MXRA8: variants seen among roughly 807,000 people sequenced by gnomAD.
MXRA8 encodes the protein matrix remodeling-associated protein 8.
A neutral mutation model predicts 51.4 loss-of-function variants in MXRA8; 44 were observed. That is an observed-to-expected ratio of 0.86 (90% CI 0.67 to 1.10). The LOEUF (loss-of-function observed/expected upper bound fraction) is 1.10, where lower values mean the gene tolerates loss of function less well. Ranked by LOEUF, MXRA8 falls within the 50% of genes least tolerant of loss-of-function variation. The pLI is 0.00. For synonymous variants in MXRA8, 369 were observed against 293.5 expected (o/e 1.26, Z -2.63); for missense variants, 765 against 638.9 (o/e 1.20, Z -2.13).
At chr1:1,356,174 T>G (rs1282842168) in intron 2 of MXRA8, among the ~76,000 whole-genome samples, 92 of 25,224 alleles carry the variant, frequency 3.6e-3, no homozygotes, top group East Asian at 0.018. Context: ...CTAGGGCCCA[T>G]GTGGGGGAAG....
rs763466470 is a variant in MXRA8 at position 1,354,227 on chromosome 1, C to T, written c.1111G>A (p.Glu371Lys). ...TTTCCCGACTTCTGGTCCGAGTATTCGTAGCCTGGGAAGGAGACTCACATT... is the reference window on the plus strand; with the variant it reads ...TTTCCCGACTTCTGGTCCGAGTATTTGTAGCCTGGGAAGGAGACTCACATT... ...LAARRRRGGY[E>K]YSDQKSGKSK... Residue 371 changes from glutamate (E) to lysine (K), a missense_variant, in exon 7 of 10, where the codon GAA becomes AAA. Transcript: ENST00000309212. 1.2e-6 allele frequency: 2 copies of T among 1,612,380 alleles called. No homozygotes were observed. Among genetic ancestry groups the T allele is most frequent in the East Asian group, 2.2e-5 (1 of 44,880 alleles).
chr1:1,357,964 C>T (rs1173181455), intron 1 of MXRA8, among the ~76,000 whole-genome samples: 3 of 152,164 alleles, frequency 2.0e-5, no homozygotes, highest in Admixed American at 6.5e-5. Flanking sequence ...TATCCTGTGT[C>T]TCTAGATCAC....
upstream of MXRA8, chr1:1,361,237 C>T (rs1359261517): frequency 2.1e-5 from 15 of 703,426 alleles, no homozygotes; most frequent in African/African-American, 7.0e-5. Context: ...CACAGAGACA[C>T]GGACCTGTGG....
rs544512102 is a variant in MXRA8 at position 1,353,631 on chromosome 1, T to C, written c.1304-2A>G. ...ATTTGCAGTTCTCCTTCCGGAACCC[T>C]GGAAGCCAAGGGCGCCAACGGGTTG... On this transcript the variant is annotated splice_acceptor_variant, in intron 9 of 9. Coordinates refer to ENST00000309212, the MANE Select transcript of MXRA8 (RefSeq NM_032348.4). LOFTEE classifies it high-confidence loss of function. 9 of 1,564,264 alleles carry C rather than the reference T, an allele frequency of 5.8e-6. No homozygotes were observed. In the African/African-American group the frequency reaches 1.2e-4, roughly 21 times the overall value.
chr1:1,354,887 A>G lies in MXRA8; in HGVS notation c.744T>C (p.Asp248=). ...FLRDRVAVGA[D]AFERGDFSLR... ...GTGAGAAGTCACCGCGCTCAAAGGCATCCGCGCCCACAGCCACGCGGTCGC... is the reference window on the plus strand; with the variant it reads ...GTGAGAAGTCACCGCGCTCAAAGGCGTCCGCGCCCACAGCCACGCGGTCGC... The change falls in exon 5 of 10, where the codon GAT becomes GAC. Residue 248 remains aspartate (D), a synonymous_variant. Coordinates refer to ENST00000309212, the MANE Select transcript of MXRA8 (RefSeq NM_032348.4). The G allele has an allele frequency of 2.5e-6, 4 of 1,611,486 alleles. No individual in the cohort carries two copies. Among genetic ancestry groups the G allele is most frequent in the Non-Finnish European group, 3.4e-6 (4 of 1,179,440 alleles).
rs771377986 is a variant in MXRA8 at position 1,355,356 on chromosome 1, A to C, written c.377-11T>G. ...CCGTCTCCTCCACCGCTGCGCACCC[A>C]GGAGGAAGCCGCGCGTGAGCCTTGC... On this transcript the variant is annotated splice_polypyrimidine_tract_variant and intron_variant, in intron 3 of 9. Coordinates refer to ENST00000309212, the MANE Select transcript of MXRA8 (RefSeq NM_032348.4). 4.5e-6 allele frequency: 7 copies of C among 1,569,890 alleles called. No individual in the cohort carries two copies. The African/African-American group carries it at 9.9e-5, about 22-fold the overall frequency.
At position 1,353,142 on chromosome 1, in the gene MXRA8, C is replaced by T; in HGVS notation, c.*462G>A. 1 of 856,142 alleles carries T rather than the reference C, an allele frequency of 1.2e-6. No individual in the cohort carries two copies. The highest frequency in any genetic ancestry group is 1.5e-5 in the South Asian group (1 of 67,070). The allele number at this position is 856,142 out of a possible 1,614,324, so 53.0% of individuals were successfully genotyped here. A position where few individuals can be genotyped will look rare whatever the true frequency, so the allele number is the denominator to read the frequency against. ...GTGGGACTCCTGCCGAGGCTGACCC[C>T]AACTTCAAGGCTGCCAAGTTCTGAT... On this transcript the variant is annotated 3_prime_UTR_variant, in exon 10 of 10. Transcript: ENST00000309212.
rs142824999 is a variant in MXRA8 at position 1,352,918 on chromosome 1, G to A, written c.*686C>T. On this transcript the variant is annotated 3_prime_UTR_variant, in exon 10 of 10. Transcript: ENST00000309212. Reference sequence around the variant, plus strand: ...TCACAGGGAGCCCAGTGACTATCAAGGTGGCTGAGAGCAAGGCTAGGGTAG... The same window carrying A: ...TCACAGGGAGCCCAGTGACTATCAAAGTGGCTGAGAGCAAGGCTAGGGTAG... 4.6e-3 allele frequency: 1,571 copies of A among 344,180 alleles called. 19 individuals carry two copies. The highest frequency in any genetic ancestry group is 0.031 in the African/African-American group (1,413 of 45,442). The allele number at this position is 344,180 out of a possible 1,614,324, so 21.3% of individuals were successfully genotyped here.
upstream of MXRA8, among the ~76,000 whole-genome samples, chr1:1,360,564 C>A (rs1347523724): frequency 6.6e-6 from 1 of 152,128 alleles, no homozygotes; most frequent in Non-Finnish European, 1.5e-5. Flanking sequence ...GCATTTTTCT[C>A]CCTCTGGGAA....
intron 1 of MXRA8, 53 bp from the exon 2 acceptor site, chr1:1,356,757 G>A (rs1429394023): frequency 7.0e-6 from 7 of 998,784 alleles, no homozygotes; most frequent in African/African-American, 2.0e-5. Flanking sequence ...ACCCAGCCCC[G>A]AGACCCCCCA....
chr1:1,353,700 A>AC lies in MXRA8; in HGVS notation c.1304-72dup, dbSNP rs369865566. ...CATCACAGTGGGAGACACAGGGCAG[A>AC]CCCCCCCGCAGGACTCCCCAGGGAT... On this transcript the variant is annotated intron_variant, in intron 9 of 9. Transcript: ENST00000309212. 8,517 of 1,503,282 alleles carry AC rather than the reference A, an allele frequency of 5.7e-3. 42 individuals carry two copies. Among genetic ancestry groups the AC allele is most frequent in the African/African-American group, 0.017 (1,201 of 71,604 alleles). The allele number at this position is 1,503,282 out of a possible 1,614,324, so 93.1% of individuals were successfully genotyped here. A position where few individuals can be genotyped will look rare whatever the true frequency, so the allele number is the denominator to read the frequency against.
At position 1,354,756 on chromosome 1, in the gene MXRA8, G is replaced by T. The variant is rs780768153; in HGVS notation, c.875C>A (p.Ala292Asp). 2 of 1,611,148 alleles carry T rather than the reference G, an allele frequency of 1.2e-6. No individual in the cohort carries two copies. The highest frequency in any genetic ancestry group is 3.3e-5 in the Admixed American group (2 of 59,924). Residue 292 changes from alanine to aspartate, a missense_variant, in exon 5 of 10, where the codon GCC becomes GAC. Ala to Asp is a moderately radical substitution (Grantham distance 126). Coordinates refer to ENST00000309212, the MANE Select transcript of MXRA8 (RefSeq NM_032348.4). ...HERRVFHLTV[A>D]EPHAEPPPRG... ...GGGGGGCGGCTCCGCGTGGGGTTCG[G>T]CGACCGTCAGGTGGAAGACGCGGCG... is the stretch of plus-strand genomic sequence containing the variant.
intron 3 of MXRA8, 21 bp from the exon 4 acceptor site, chr1:1,355,366 C>A (rs966514103): frequency 1.3e-6 from 2 of 1,564,068 alleles, no homozygotes; most frequent in African/African-American, 1.4e-5. Context: ...AGGAGGAAGC[C>A]GCGCGTGAGC....
intron 2 of MXRA8, 139 bp downstream of exon 2, chr1:1,356,542 A>C: frequency 2.5e-6 from 1 of 400,974 alleles, no homozygotes; most frequent in Admixed American, 7.0e-5. Flanking sequence ...TGGCAAGGGG[A>C]GGTGCCCAAG....
chr1:1,361,157 AACACAAAC>A (rs373642782), upstream of MXRA8: 330 of 694,650 alleles, frequency 4.8e-4, 3 homozygotes, highest in African/African-American at 5.5e-3. Flanking sequence ...GATACACGGA[AACACAAAC>A]ACACAGACAC....
rs1282319777 is a variant in MXRA8 at position 1,352,960 on chromosome 1, G to A, written c.*644C>T. ...CTAGGGTAGGGATGGGGCAGAGAAA[G>A]GGCAAGGGGTGCAGCCCCAGGTGGC... is the stretch of plus-strand genomic sequence containing the variant. On this transcript the variant is annotated 3_prime_UTR_variant, in exon 10 of 10. Transcript: ENST00000309212. 6.7e-6 allele frequency: 3 copies of A among 446,058 alleles called. No individual in the cohort carries two copies. The highest frequency in any genetic ancestry group is 2.0e-5 in the African/African-American group (1 of 49,108). 27.6% of individuals were successfully genotyped at this position (446,058 alleles called of 1,614,324 possible). A position where few individuals can be genotyped will look rare whatever the true frequency, so the allele number is the denominator to read the frequency against.
At position 1,355,762 on chromosome 1, in the gene MXRA8, G is replaced by T; in HGVS notation, c.74-10C>A. 7.8e-7 allele frequency: 1 copy of T among 1,285,462 alleles called. No individual in the cohort carries two copies. The allele number at this position is 1,285,462 out of a possible 1,614,324, so 79.6% of individuals were successfully genotyped here. On this transcript the variant is annotated splice_polypyrimidine_tract_variant and intron_variant, in intron 2 of 9. Coordinates refer to ENST00000309212, the MANE Select transcript of MXRA8 (RefSeq NM_032348.4). ...GCGGGTACCGAGGACCCTGGTGGGG[G>T]AGGGGAGTCGGTGGGGGAAGGGGTG...
chr1:1,358,977 G>T, upstream of MXRA8: 1 of 985,450 alleles, frequency 1.0e-6, no homozygotes, highest in Non-Finnish European at 1.2e-6. Context: ...TCCCAGCGCT[G>T]AGACCGCCCC....
upstream of MXRA8, chr1:1,359,691 A>G (rs1644195402): frequency 1.7e-6 from 1 of 593,718 alleles, no homozygotes; most frequent in Non-Finnish European, 2.1e-6. Context: ...CGGGCAGGAC[A>G]CGGACCGGCG....
Sources: allele counts gnomAD v4.1 joint callset (sites outside exome capture counted in the v4.1 genomes callset), GRCh38; gene constraint gnomAD v4.1.1; transcripts MANE v1.5; gene names NCBI Gene and HGNC (gene_info 2026-07-23, HGNC 2026-07-21).